Variants in HIBADH observed in about 807,000 individuals in gnomAD.
HIBADH encodes the protein 3-hydroxyisobutyrate dehydrogenase.
HIBADH carries 25 observed loss-of-function variants against 36.1 expected under a neutral mutation model. That is an observed-to-expected ratio of 0.69 (90% CI 0.50 to 0.97). HIBADH has a LOEUF of 0.97. HIBADH is among the 50% of genes least tolerant of loss of function. The pLI is 0.00. For missense variants in HIBADH, 421 were observed against 418.0 expected (o/e 1.01, Z -0.06); for synonymous variants, 160 against 149.5 (o/e 1.07, Z -0.51).
intron 4 of HIBADH, among the ~76,000 whole-genome samples, chr7:27,615,688 T>G (rs1785412579): frequency 6.6e-6 from 1 of 152,190 alleles, no homozygotes; most frequent in African/African-American, 2.4e-5. Flanking sequence ...ACAACAATTA[T>G]GTACAGCACA....
At chr7:27,534,488 G>C (rs1438594881) in intron 6 of HIBADH, among the ~76,000 whole-genome samples, 2 of 152,308 alleles carry the variant, frequency 1.3e-5, no homozygotes, top group East Asian at 1.9e-4. Flanking sequence ...GGAGGGCTGA[G>C]TTAAGACCCA....
chr7:27,641,121 C>G (rs1439158921), intron 2 of HIBADH, among the ~76,000 whole-genome samples: 1 of 152,186 alleles, frequency 6.6e-6, no homozygotes, highest in African/African-American at 2.4e-5. Flanking sequence ...CTGGCTGTAT[C>G]TATGTCACTA....
At chr7:27,564,537 A>G (rs1333236105) in intron 4 of HIBADH, among the ~76,000 whole-genome samples, 1 of 152,210 alleles carries the variant, frequency 6.6e-6, no homozygotes, top group African/African-American at 2.4e-5. Flanking sequence ...TCTTTCACTA[A>G]TACCACATTT....
intron 4 of HIBADH, among the ~76,000 whole-genome samples, chr7:27,612,974 T>TCC (rs1785348579): frequency 7.3e-6 from 1 of 137,870 alleles, no homozygotes; most frequent in African/African-American, 2.7e-5. Flanking sequence ...TATATATATA[T>TCC]TATATATATA....
At chr7:27,553,692 C>T (rs1583566249) in intron 4 of HIBADH, among the ~76,000 whole-genome samples, 1 of 152,262 alleles carries the variant, frequency 6.6e-6, no homozygotes, top group East Asian at 1.9e-4. Context: ...CACCTCAGAT[C>T]AAGATGGTGC....
intron 4 of HIBADH, among the ~76,000 whole-genome samples, chr7:27,576,129 G>A (rs1459088901): frequency 6.6e-6 from 1 of 152,154 alleles, no homozygotes. Flanking sequence ...TGGGAGCAAC[G>A]GAAACCAAGA....
In HIBADH at chr7:27,662,683, G is replaced by A. The variant is rs1384338335; in HGVS notation, c.91+15C>T. On this transcript the variant is annotated intron_variant, in intron 1 of 7. Transcript: ENST00000265395. ...CCGAAAGAAGGACAAGGGGGAGGAG[G>A]CGTGAGGTCCTTACCCGCTGCAAAG... 2 of 1,300,268 alleles carry A rather than the reference G, an allele frequency of 1.5e-6. No individual in the cohort carries two copies. Among genetic ancestry groups the A allele is most frequent in the South Asian group, 4.4e-5 (2 of 45,686 alleles). The allele number at this position is 1,300,268 out of a possible 1,614,324, so 80.5% of individuals were successfully genotyped here.
At chr7:27,596,954 C>T (rs562267717) in intron 4 of HIBADH, among the ~76,000 whole-genome samples, 38 of 151,722 alleles carry the variant, frequency 2.5e-4, no homozygotes, top group East Asian at 9.7e-4. Context: ...CAAAAAAATC[C>T]CATTTGTTTT....
intron 4 of HIBADH, among the ~76,000 whole-genome samples, chr7:27,577,493 A>G (rs746125737): frequency 4.6e-5 from 7 of 152,138 alleles, no homozygotes; most frequent in African/African-American, 9.7e-5. Context: ...AATGAATACA[A>G]ATCTTTTTAA....
chr7:27,533,337 T>C (rs1405378514), intron 6 of HIBADH, among the ~76,000 whole-genome samples: 2 of 152,250 alleles, frequency 1.3e-5, no homozygotes, highest in African/African-American at 4.8e-5. Context: ...GTGAACACAT[T>C]ACTATTTAGA....
At chr7:27,558,342 T>G (rs577134025) in intron 4 of HIBADH, among the ~76,000 whole-genome samples, 3 of 152,300 alleles carry the variant, frequency 2.0e-5, no homozygotes, top group South Asian at 4.1e-4. Flanking sequence ...TTCCATTTTT[T>G]GGGGGGACAG....
chr7:27,592,255 C>T (rs936886790), intron 4 of HIBADH, among the ~76,000 whole-genome samples: 4 of 152,186 alleles, frequency 2.6e-5, no homozygotes, highest in African/African-American at 7.2e-5. Context: ...TCACCTAATA[C>T]ATTATGATGA....
intron 4 of HIBADH, among the ~76,000 whole-genome samples, chr7:27,629,125 A>G (rs1562651128): frequency 6.6e-6 from 1 of 152,072 alleles, no homozygotes; most frequent in Non-Finnish European, 1.5e-5. Flanking sequence ...TCCTATCCAC[A>G]GTAAATGGAC....
At chr7:27,630,088 T>C (rs1785721092) in intron 3 of HIBADH, among the ~76,000 whole-genome samples, 1 of 152,184 alleles carries the variant, frequency 6.6e-6, no homozygotes, top group African/African-American at 2.4e-5. Context: ...TCTGGAAATC[T>C]CACAGTCTTT....
chr7:27,641,530 C>G (rs1785961580), intron 2 of HIBADH, among the ~76,000 whole-genome samples: 1 of 152,184 alleles, frequency 6.6e-6, no homozygotes, highest in Non-Finnish European at 1.5e-5. Flanking sequence ...ACTTTTCCAT[C>G]TCATCCCAAG....
At chr7:27,597,275 A>G (rs1785046882) in intron 4 of HIBADH, among the ~76,000 whole-genome samples, 1 of 152,170 alleles carries the variant, frequency 6.6e-6, no homozygotes, top group Non-Finnish European at 1.5e-5. Flanking sequence ...CAGGTCTCTC[A>G]TGTATACCAT....
Position 27,617,065 on chromosome 7 carries a change from T to C in HIBADH, c.484+12306A>G, listed in dbSNP as rs569340771. On this transcript the variant is annotated intron_variant, in intron 4 of 7. Coordinates refer to ENST00000265395, the MANE Select transcript of HIBADH (RefSeq NM_152740.4). Reference sequence around the variant, plus strand: ...TCTACAGCAGTGTACAGTAATGTCCTGGGCCTTCACATTCACTCACCGACT... The same window carrying C: ...TCTACAGCAGTGTACAGTAATGTCCCGGGCCTTCACATTCACTCACCGACT... Among the ~76,000 whole-genome samples, 3 of 138,402 alleles carry C rather than the reference T, an allele frequency of 2.2e-5. No individual in the cohort carries two copies. In the East Asian group the frequency reaches 6.6e-4, roughly 30 times the overall value. The allele number at this position is 138,402 out of a possible 152,430, so 90.8% of individuals were successfully genotyped here.
intron 6 of HIBADH, among the ~76,000 whole-genome samples, chr7:27,538,122 G>C (rs898144574): frequency 3.3e-5 from 5 of 152,168 alleles, no homozygotes; most frequent in Non-Finnish European, 5.9e-5. Flanking sequence ...CAAATGCACA[G>C]GCAATACATT....
intron 4 of HIBADH, among the ~76,000 whole-genome samples, chr7:27,622,329 A>G (rs1034683062): frequency 6.6e-6 from 1 of 152,122 alleles, no homozygotes; most frequent in East Asian, 1.9e-4. Flanking sequence ...ACATACCAAA[A>G]CCTCTGGGAT....
Sources: gnomAD v4.1 joint callset for allele counts (sites outside exome capture counted in the v4.1 genomes callset) on GRCh38, gnomAD v4.1.1 for gene constraint, MANE v1.5 for transcripts, NCBI Gene and HGNC (gene_info 2026-07-23, HGNC 2026-07-21) for gene names.